Variants in CCT6B observed in about 807,000 individuals in gnomAD.
The protein encoded by CCT6B is chaperonin containing TCP1 subunit 6B.
Under a neutral mutation model 61.5 loss-of-function variants are expected in CCT6B, and 49 were observed. The observed-to-expected ratio is 0.80, with a 90% CI of 0.63 to 1.01. The LOEUF (loss-of-function observed/expected upper bound fraction) is 1.01, where lower values mean the gene tolerates loss of function less well. Ranked by LOEUF, CCT6B falls within the 50% of genes least tolerant of loss-of-function variation. The probability of loss-of-function intolerance (pLI) is 0.00; values close to 1 mark genes in which losing one functional copy is unlikely to be tolerated. For missense variants in CCT6B, 666 were observed against 634.7 expected (o/e 1.05, Z -0.53); for synonymous variants, 228 against 214.5 (o/e 1.06, Z -0.55).
At chr17:34,937,309 A>T (rs1028639249) in intron 10 of CCT6B, among the ~76,000 whole-genome samples, 8 of 152,162 alleles carry the variant, frequency 5.3e-5, no homozygotes, top group Admixed American at 1.3e-4. Context: ...AACAATACTG[A>T]TTTCAAGATT....
intron 5 of CCT6B, chr17:34,943,491 T>C (rs1050181979): frequency 2.6e-5 from 4 of 152,276 alleles, no homozygotes; most frequent in South Asian, 2.1e-4. Context: ...TGTAATAACA[T>C]GGAAAAATAT....
At chr17:34,949,337 A>C (rs2090264395) in intron 5 of CCT6B, 1 of 152,074 alleles carries the variant, frequency 6.6e-6, no homozygotes, top group Non-Finnish European at 1.5e-5. Flanking sequence ...GCGCATGCCT[A>C]TAATCCCAGC....
At chr17:34,945,561 A>T (rs573247328) in intron 5 of CCT6B, among the ~76,000 whole-genome samples, 2 of 152,170 alleles carry the variant, frequency 1.3e-5, no homozygotes, top group East Asian at 3.9e-4. Context: ...GTACATCCTA[A>T]TCCAAACCAT....
intron 10 of CCT6B, among the ~76,000 whole-genome samples, chr17:34,935,824 T>A (rs2090086965): frequency 6.6e-6 from 1 of 150,404 alleles, no homozygotes; most frequent in Non-Finnish European, 1.5e-5. Flanking sequence ...GCCATGGCAC[T>A]CCAGCCTGGG....
chr17:34,937,030 T>C (rs1372834696), intron 10 of CCT6B, among the ~76,000 whole-genome samples: 2 of 152,128 alleles, frequency 1.3e-5, no homozygotes, highest in Non-Finnish European at 2.9e-5. Context: ...TGGTAGTGCA[T>C]GCTTGTGGTT....
rs536044821 is a variant in CCT6B at position 34,930,055 on chromosome 17, C to T, written c.1450+894G>A. Among the ~76,000 whole-genome samples, 7 of 152,102 alleles carry T rather than the reference C, an allele frequency of 4.6e-5. No homozygotes were observed. The South Asian group carries it at 1.5e-3, about 32-fold the overall frequency. The stretch of plus-strand genomic sequence containing the variant: ...AGTGGAGAGTGGCCAGAGTGATTCT[C>T]TTAAACATAATTAGGCCACATGCCT... On this transcript the variant is annotated intron_variant, in intron 12 of 13. Coordinates refer to ENST00000314144, the MANE Select transcript of CCT6B (RefSeq NM_006584.4).
chr17:34,930,839 C>A, intron 12 of CCT6B, 110 bp downstream of exon 12: 1 of 430,012 alleles, frequency 2.3e-6, no homozygotes, highest in East Asian at 3.8e-5. Flanking sequence ...CTAAAGGCAT[C>A]CAAAATTTAA....
chr17:34,942,673 A>G (rs778269087), intron 6 of CCT6B, 30 bp from the exon 7 acceptor site: 2 of 1,557,478 alleles, frequency 1.3e-6, no homozygotes, highest in Admixed American at 4.3e-5. Flanking sequence ...CAGCTAGTAA[A>G]GGCAGGAGGA....
At chr17:34,952,259 A>G (rs994602304) in intron 4 of CCT6B, among the ~76,000 whole-genome samples, 9 of 152,234 alleles carry the variant, frequency 5.9e-5, no homozygotes, top group African/African-American at 2.2e-4. Flanking sequence ...TTCAGAGATC[A>G]TTAGGTCCAA....
Position 34,931,042 on chromosome 17 carries a change from G to A in CCT6B, c.1357C>T (p.Gln453Ter). 6.6e-7 allele frequency: 1 copy of A among 1,525,186 alleles called. No homozygotes were observed. The highest frequency in any genetic ancestry group is 9.0e-7 in the Non-Finnish European group (1 of 1,116,954). The allele number at this position is 1,525,186 out of a possible 1,614,324, so 94.5% of individuals were successfully genotyped here. Residue 453 changes from glutamine (Q) to a stop codon, truncating the protein, a stop_gained, in exon 12 of 14, where the codon CAG becomes TAG. Coordinates refer to ENST00000314144, the MANE Select transcript of CCT6B (RefSeq NM_006584.4). LOFTEE classifies it high-confidence loss of function. ...ALLIIPKVLA[Q>*]NAGYDPQETL... is the part of the protein sequence containing the mutation. ...TCCTGTGGGTCATAACCAGCATTCT[G>A]AGCAAGAACCTTTAGGAATAAAAAT...
chr17:34,952,817 C>T (rs537297877), intron 4 of CCT6B, among the ~76,000 whole-genome samples: 8 of 152,154 alleles, frequency 5.3e-5, no homozygotes, highest in African/African-American at 9.6e-5. Context: ...GAAAACTTTG[C>T]CTGAGGTGAC....
At chr17:34,957,290 G>A (rs1352691776) in intron 3 of CCT6B, among the ~76,000 whole-genome samples, 6 of 151,810 alleles carry the variant, frequency 4.0e-5, no homozygotes, top group South Asian at 2.1e-4. Context: ...GATCACAGGC[G>A]TGCACCAACA....
At chr17:34,935,107 A>G (rs1293728502) in intron 10 of CCT6B, among the ~76,000 whole-genome samples, 1 of 152,222 alleles carries the variant, frequency 6.6e-6, no homozygotes, top group Non-Finnish European at 1.5e-5. Flanking sequence ...ATGCTACAAC[A>G]TGAATGAGCC....
In CCT6B at chr17:34,961,140, T is replaced by A. The variant is rs975406614; in HGVS notation, c.137+117A>T. The A allele has an allele frequency of 2.3e-6, 3 of 1,288,348 alleles. No individual in the cohort carries two copies. The Admixed American group carries it at 7.4e-5, about 32-fold the overall frequency. The allele number at this position is 1,288,348 out of a possible 1,614,324, so 79.8% of individuals were successfully genotyped here. A position where few individuals can be genotyped will look rare whatever the true frequency, so the allele number is the denominator to read the frequency against. ...AATACCCCCAGAGCAGGGATGAGAA[T>A]GAGGGAAATCAAGCTCGCAAGAACA... On this transcript the variant is annotated intron_variant, in intron 1 of 13. Coordinates refer to ENST00000314144, the MANE Select transcript of CCT6B (RefSeq NM_006584.4).
rs2090327598 is a variant in CCT6B, at chr17:34,954,502, C to CT, written c.433dup (p.Arg145LysfsTer9). ...TCTAGCTACATCTAAGAGGATTTTT[C>CT]TTTTCATCTCCTTTGTCACTTTAAC... On this transcript the variant is annotated frameshift_variant, in exon 4 of 14. Transcript: ENST00000314144. LOFTEE classifies it high-confidence loss of function. 2 of 1,613,404 alleles carry CT rather than the reference C, an allele frequency of 1.2e-6. No homozygotes were observed. Among genetic ancestry groups the CT allele is most frequent in the South Asian group, 2.2e-5 (2 of 90,980 alleles).
Position 34,939,687 on chromosome 17 carries a change from G to T in CCT6B, c.995C>A (p.Ala332Asp). 1 of 1,612,932 alleles carries T rather than the reference G, an allele frequency of 6.2e-7. No individual in the cohort carries two copies. The change falls in exon 9 of 14, where the codon GCC becomes GAC. Residue 332 changes from alanine to aspartate, a missense_variant. Transcript: ENST00000314144. ...ERLSLACGGM[A>D]VNSFEDLTVD... is the part of the protein sequence containing the mutation. Reference sequence around the variant, plus strand: ...AGTGAGATCTTCAAAAGAATTCACGGCCATTCCACCACAAGCAAGAGAGAG... The same window carrying T: ...AGTGAGATCTTCAAAAGAATTCACGTCCATTCCACCACAAGCAAGAGAGAG...
Position 34,939,218 on chromosome 17 carries a change from T to G in CCT6B, c.1178A>C (p.Asp393Ala), listed in dbSNP as rs772629699. 2 of 1,613,886 alleles carry G rather than the reference T, an allele frequency of 1.2e-6. No homozygotes were observed. The highest frequency in any genetic ancestry group is 3.3e-5 in the Admixed American group (2 of 60,008). ...TLTQVKDAIRDGLRAIKNAIE... is the reference protein window; with the variant it reads ...TLTQVKDAIRAGLRAIKNAIE... The stretch of plus-strand genomic sequence containing the variant: ...GGCATTTTTGATAGCACGAAGTCCA[T>G]CTCTTATGGCATCCTTGACTTGTGT... The change falls in exon 10 of 14, where the codon GAT (aspartate) becomes GCT (alanine). Residue 393 changes from aspartate to alanine, a missense_variant. By Grantham distance (126) the Asp-to-Ala change is moderately radical. Coordinates refer to ENST00000314144, the MANE Select transcript of CCT6B (RefSeq NM_006584.4).
At chr17:34,952,797 CTG>C (rs2090306632) in intron 4 of CCT6B, among the ~76,000 whole-genome samples, 1 of 152,116 alleles carries the variant, frequency 6.6e-6, no homozygotes, top group Non-Finnish European at 1.5e-5. Flanking sequence ...GCAGAAAAAA[CTG>C]TATCTTAGAA....
intron 2 of CCT6B, 25 bp from the exon 3 acceptor site, chr17:34,958,719 A>G: frequency 6.4e-7 from 1 of 1,567,270 alleles, no homozygotes; most frequent in Non-Finnish European, 8.6e-7. Flanking sequence ...CAACAGATTT[A>G]AAAAGACAGG....
Sources: gnomAD v4.1 joint callset for allele counts (sites outside exome capture counted in the v4.1 genomes callset) on GRCh38, gnomAD v4.1.1 for gene constraint, MANE v1.5 for transcripts, NCBI Gene and HGNC (gene_info 2026-07-23, HGNC 2026-07-21) for gene names.